The following TMEM132D variants were observed in gnomAD, a reference collection of about 807,000 sequenced individuals.
The protein encoded by TMEM132D is transmembrane protein 132D, also known as mature OL transmembrane protein.
A neutral mutation model predicts 62.3 loss-of-function variants in TMEM132D; 21 were observed. The observed-to-expected ratio is 0.34, with a 90% CI of 0.24 to 0.49. The LOEUF (loss-of-function observed/expected upper bound fraction) is 0.49. Ranked by LOEUF, TMEM132D falls within the 20% of genes least tolerant of loss-of-function variation. TMEM132D has a pLI of 0.99. For missense variants in TMEM132D, 1,346 were observed against 1,402.8 expected, an observed-to-expected ratio of 0.96 and a Z score of 0.65; for synonymous variants, 621 against 575.6, an observed-to-expected ratio of 1.08 and a Z score of -1.13.
chr12:129,724,289 G>T (rs1868946612), intron 1 of TMEM132D, among the ~76,000 whole-genome samples: 1 of 152,212 alleles, frequency 6.6e-6, no homozygotes, highest in South Asian at 2.1e-4. Context: ...CCATGAGAGA[G>T]ATTTGAAGAC....
intron 5 of TMEM132D, among the ~76,000 whole-genome samples, chr12:129,087,684 T>C (rs1280843636): frequency 3.3e-5 from 5 of 152,196 alleles, no homozygotes; most frequent in Admixed American, 2.6e-4. Context: ...TACCGACACC[T>C]TGATGTCGGC....
At chr12:129,604,920 G>A (rs1878574743) in intron 2 of TMEM132D, among the ~76,000 whole-genome samples, 1 of 152,064 alleles carries the variant, frequency 6.6e-6, no homozygotes, top group South Asian at 2.1e-4. Flanking sequence ...AAATAGCCTT[G>A]GCCTTGAGAG....
In TMEM132D at chr12:129,767,042, T is replaced by C. The variant is rs1181956258; in HGVS notation, c.80-66344A>G. On this transcript the variant is annotated intron_variant, in intron 1 of 8. Transcript: ENST00000422113. ...TGCTCTCTGTACACTGCCCGTGGAG[T>C]AGCCCTGCTCTGCAGAAGCAGTCAC... is the stretch of plus-strand genomic sequence containing the variant. Among the ~76,000 whole-genome samples the C allele has an allele frequency of 3.3e-5, 5 of 152,176 alleles. No homozygotes were observed. The East Asian group carries it at 9.6e-4, about 29-fold the overall frequency.
At chr12:129,283,560 A>G (rs1281522062) in intron 4 of TMEM132D, among the ~76,000 whole-genome samples, 1 of 152,210 alleles carries the variant, frequency 6.6e-6, no homozygotes, top group Non-Finnish European at 1.5e-5. Flanking sequence ...ATAAAAACAT[A>G]TCTCTACTGA....
intron 2 of TMEM132D, among the ~76,000 whole-genome samples, chr12:129,671,454 A>G (rs1002298576): frequency 2.0e-5 from 3 of 152,244 alleles, no homozygotes; most frequent in African/African-American, 7.2e-5. Context: ...AGGTTTTATT[A>G]GCACTCTCAG....
chr12:129,138,921 G>C (rs1372524476), intron 5 of TMEM132D, among the ~76,000 whole-genome samples: 2 of 152,118 alleles, frequency 1.3e-5, no homozygotes, highest in African/African-American at 4.8e-5. Context: ...CTGTGATCCT[G>C]CCTTCATTCT....
chr12:129,097,246 G>A (rs1344193325), intron 5 of TMEM132D, among the ~76,000 whole-genome samples: 2 of 152,212 alleles, frequency 1.3e-5, no homozygotes, highest in South Asian at 2.1e-4. Flanking sequence ...CAGTGTCTCC[G>A]GACATTGCTA....
chr12:129,662,808 A>AG (rs1880274765), intron 2 of TMEM132D, among the ~76,000 whole-genome samples: 5 of 64,856 alleles, frequency 7.7e-5, no homozygotes, highest in Admixed American at 7.0e-4. Flanking sequence ...AAAAAAAAAA[A>AG]AAAAAGAGAG....
chr12:129,457,966 G>T (rs1316918556), intron 3 of TMEM132D, among the ~76,000 whole-genome samples: 2 of 152,142 alleles, frequency 1.3e-5, no homozygotes, highest in Admixed American at 1.3e-4. Flanking sequence ...CTGGTGCATT[G>T]CCTGATCTTG....
At chr12:129,636,733 T>TGAGA (rs370268882) in intron 2 of TMEM132D, among the ~76,000 whole-genome samples, 2 of 90,696 alleles carry the variant, frequency 2.2e-5, no homozygotes, top group Admixed American at 1.2e-4. Context: ...TGTGTGTGTG[T>TGAGA]GTGTGAGAGA....
At chr12:129,650,568 C>T (rs1879901006) in intron 2 of TMEM132D, among the ~76,000 whole-genome samples, 1 of 152,186 alleles carries the variant, frequency 6.6e-6, no homozygotes, top group Non-Finnish European at 1.5e-5. Flanking sequence ...GTCATCCCTT[C>T]TCTGGTGGAA....
In TMEM132D at chr12:129,827,358, A is replaced by AC. The variant is rs554454074; in HGVS notation, c.79+75902dup. Among the ~76,000 whole-genome samples, 13 of 152,254 alleles carry AC rather than the reference A, an allele frequency of 8.5e-5. No individual in the cohort carries two copies. The highest frequency in any genetic ancestry group is 3.4e-3 in the Middle Eastern group (1 of 294). On this transcript the variant is annotated intron_variant, in intron 1 of 8. Transcript: ENST00000422113. The surrounding 1 kb of genome is among the most constrained non-coding windows in gnomAD (Gnocchi z 9.7). ...TTCTAAGCCCCAAATTCATGGTCAC[A>AC]CCCCCAGGCAGAACTCTGGAGCACT...
At chr12:129,470,420 G>A (rs1390041398) in intron 3 of TMEM132D, among the ~76,000 whole-genome samples, 2 of 152,148 alleles carry the variant, frequency 1.3e-5, no homozygotes, top group South Asian at 2.1e-4. Context: ...TGAGGTCCTC[G>A]GAATGATCAT....
chr12:129,165,646 T>C (rs1027221975), intron 5 of TMEM132D, among the ~76,000 whole-genome samples: 3 of 151,998 alleles, frequency 2.0e-5, no homozygotes, highest in African/African-American at 7.2e-5. Flanking sequence ...AAATAAAAAT[T>C]TGGCCATGGG....
At chr12:129,458,740 C>T (rs1168060439) in intron 3 of TMEM132D, among the ~76,000 whole-genome samples, 2 of 152,136 alleles carry the variant, frequency 1.3e-5, no homozygotes, top group African/African-American at 4.8e-5. Context: ...TTTCCCTGAG[C>T]AGGCTCATAT....
chr12:129,202,668 G>A (rs1262149495), intron 5 of TMEM132D, among the ~76,000 whole-genome samples: 1 of 151,992 alleles, frequency 6.6e-6, no homozygotes. Flanking sequence ...TGTTCTGATT[G>A]GCCACCCTGA....
chr12:129,766,852 C>T lies in TMEM132D; in HGVS notation c.80-66154G>A, dbSNP rs144051635. 8.9e-3 allele frequency among the ~76,000 whole-genome samples: 1,349 copies of T among 152,168 alleles called. 16 individuals carry two copies. Among genetic ancestry groups the T allele is most frequent in the African/African-American group, 0.031 (1,269 of 41,508 alleles). ...AAACCTGAAAGAGGTGCAGGAAGCC[C>T]AGCTCCATAAGAGACGCCCACCAGT... On this transcript the variant is annotated intron_variant, in intron 1 of 8. Coordinates refer to ENST00000422113, the MANE Select transcript of TMEM132D (RefSeq NM_133448.3).
At chr12:129,489,275 G>A (rs1475895486) in intron 3 of TMEM132D, among the ~76,000 whole-genome samples, 1 of 152,062 alleles carries the variant, frequency 6.6e-6, no homozygotes, top group Non-Finnish European at 1.5e-5. Context: ...CTCCACCCTG[G>A]GCTCAGAGCC....
intron 5 of TMEM132D, among the ~76,000 whole-genome samples, chr12:129,140,235 C>CACAT (rs1261743388): frequency 1.3e-5 from 2 of 151,698 alleles, no homozygotes; most frequent in Non-Finnish European, 2.9e-5. Flanking sequence ...CACACACACA[C>CACAT]ACACACACGG....
Sources: allele counts gnomAD v4.1 joint callset (sites outside exome capture counted in the v4.1 genomes callset), GRCh38; gene constraint gnomAD v4.1.1; non-coding constraint Gnocchi (gnomAD v3.1); transcripts MANE v1.5; gene names NCBI Gene and HGNC (gene_info 2026-07-23, HGNC 2026-07-21).